Variants in NEK11 observed in about 807,000 individuals in gnomAD.
NEK11 encodes the protein NIMA related kinase 11.
In NEK11, 72 loss-of-function variants were observed where a neutral mutation model predicts 80.7. The ratio of observed to expected loss-of-function variants is 0.89; its 90% CI spans 0.74 to 1.08. The LOEUF (loss-of-function observed/expected upper bound fraction) is 1.08, where lower values mean the gene tolerates loss of function less well. NEK11 is among the 50% of genes least tolerant of loss of function. NEK11 has a pLI of 0.00. For missense variants in NEK11, 764 were observed against 763.6 expected (o/e 1.00, Z -0.01); for synonymous variants, 251 against 260.7 (o/e 0.96, Z 0.36).
At chr3:131,102,162 G>A (rs1190995772) in intron 4 of NEK11, among the ~76,000 whole-genome samples, 1 of 152,000 alleles carries the variant, frequency 6.6e-6, no homozygotes, top group Admixed American at 6.6e-5. Context: ...CTTTTATATG[G>A]GATGTTTAGC....
Position 131,133,847 on chromosome 3 carries a change from C to T in NEK11, c.538C>T (p.Arg180Ter), listed in dbSNP as rs900688268. ...ATTTCAAGGAGATTTTGGAGTTTCTCGACTTCTAATGGGATCCTGTGACCT... is the reference window on the plus strand; with the variant it reads ...ATTTCAAGGAGATTTTGGAGTTTCTTGACTTCTAATGGGATCCTGTGACCT... ...LLKIGDFGVS[R>*]LLMGSCDLAT... is the part of the protein sequence containing the mutation. The change falls in exon 7 of 18, where the codon CGA becomes TGA. Residue 180 changes from arginine (R) to a stop codon, truncating the protein, a stop_gained. Transcript: ENST00000383366. LOFTEE classifies it high-confidence loss of function. 1.6e-5 allele frequency: 26 copies of T among 1,610,534 alleles called. No individual in the cohort carries two copies. Among genetic ancestry groups the T allele is most frequent in the Non-Finnish European group, 1.7e-5 (20 of 1,178,086 alleles).
chr3:131,183,203 G>A (rs1422768634), intron 14 of NEK11, among the ~76,000 whole-genome samples: 1 of 152,156 alleles, frequency 6.6e-6, no homozygotes, highest in Non-Finnish European at 1.5e-5. Context: ...GGCCCCTTTA[G>A]CTCTGTGCCA....
rs776665091 is a variant in NEK11, at chr3:131,029,871, G to C, written c.163G>C (p.Glu55Gln). ...TTCAGACAAGAAAGCCAAACGAGGAGAGGAATTGTAAGTAAAAATGCTTCC... is the reference window on the plus strand; with the variant it reads ...TTCAGACAAGAAAGCCAAACGAGGACAGGAATTGTAAGTAAAAATGCTTCC... ...LVSDKKAKRGEELKVLKEISV... is the reference protein window; with the variant it reads ...LVSDKKAKRGQELKVLKEISV... The change falls in exon 3 of 18, where the codon GAG becomes CAG. Residue 55 changes from glutamate (E) to glutamine (Q), a missense_variant. Physicochemically the swap from Glu to Gln is conservative, Grantham distance 29 (BLOSUM62 2). Transcript: ENST00000383366. 3 of 1,614,158 alleles carry C rather than the reference G, an allele frequency of 1.9e-6. No individual in the cohort carries two copies. In the East Asian group the frequency reaches 6.7e-5, roughly 36 times the overall value.
chr3:131,168,961 C>A (rs1367121923), intron 13 of NEK11, 24 bp downstream of exon 13: 1 of 1,570,110 alleles, frequency 6.4e-7, no homozygotes, highest in Non-Finnish European at 8.8e-7. Flanking sequence ...TATTCACAAG[C>A]ACAAAAGTGA....
chr3:131,066,854 A>AAAAAG (rs1553839702), intron 3 of NEK11, among the ~76,000 whole-genome samples: 18 of 151,234 alleles, frequency 1.2e-4, no homozygotes, highest in East Asian at 5.9e-4. Flanking sequence ...AAAAAAAAAA[A>AAAAAG]AAAAGAAAAG....
chr3:131,125,697 A>G (rs958050391), intron 5 of NEK11, among the ~76,000 whole-genome samples: 1 of 152,168 alleles, frequency 6.6e-6, no homozygotes, highest in Non-Finnish European at 1.5e-5. Context: ...TCTAGTTGGC[A>G]CTCAATAATT....
chr3:131,090,357 C>A (rs1043360055), intron 4 of NEK11, among the ~76,000 whole-genome samples: 1 of 152,190 alleles, frequency 6.6e-6, no homozygotes, highest in Non-Finnish European at 1.5e-5. Flanking sequence ...TTTATTGCAA[C>A]CTTCAAGGGA....
intron 13 of NEK11, among the ~76,000 whole-genome samples, chr3:131,169,695 A>G (rs2092545637): frequency 6.6e-6 from 1 of 152,180 alleles, no homozygotes; most frequent in African/African-American, 2.4e-5. Flanking sequence ...ATACGTGGAG[A>G]GGTAATGGGG....
At chr3:131,064,403 T>C (rs2071484758) in intron 3 of NEK11, among the ~76,000 whole-genome samples, 1 of 152,204 alleles carries the variant, frequency 6.6e-6, no homozygotes, top group Non-Finnish European at 1.5e-5. Context: ...TCACATGGCC[T>C]TTCTGTGTTT....
At chr3:131,334,685 T>C (rs1169884120) in intron 17 of NEK11, among the ~76,000 whole-genome samples, 1 of 152,036 alleles carries the variant, frequency 6.6e-6, no homozygotes, top group Non-Finnish European at 1.5e-5. Context: ...AGGAGCTGGT[T>C]TTTTTGAAAG....
chr3:131,177,102 T>C (rs75377124), intron 14 of NEK11, among the ~76,000 whole-genome samples: 4,801 of 152,310 alleles, frequency 0.032, 226 homozygotes, highest in African/African-American at 0.1. Flanking sequence ...CTTTAGTTGA[T>C]GAATTTATTT....
intron 16 of NEK11, among the ~76,000 whole-genome samples, chr3:131,248,859 C>T (rs1408747055): frequency 1.3e-5 from 2 of 151,958 alleles, no homozygotes; most frequent in East Asian, 1.9e-4. Flanking sequence ...GTTCTTTTAC[C>T]AGTTTCAACC....
At chr3:131,196,121 TA>T (rs2094000630) in intron 14 of NEK11, among the ~76,000 whole-genome samples, 1 of 152,066 alleles carries the variant, frequency 6.6e-6, no homozygotes, top group Non-Finnish European at 1.5e-5. Context: ...ATAAAACTCT[TA>T]AATGTCTTTT....
intron 3 of NEK11, among the ~76,000 whole-genome samples, chr3:131,050,873 A>G (rs992755804): frequency 6.0e-4 from 15 of 24,868 alleles, no homozygotes; most frequent in East Asian, 3.8e-3. Context: ...TACAAATAGT[A>G]ATAAATAGTG....
chr3:131,152,348 AT>A (rs780042429), intron 7 of NEK11, 39 bp from the exon 8 acceptor site: 2 of 1,544,636 alleles, frequency 1.3e-6, no homozygotes, highest in Non-Finnish European at 1.7e-6. Context: ...TTAAAATAGG[AT>A]ATTTGTTCCT....
chr3:131,119,763 T>A (rs936548963), intron 5 of NEK11, among the ~76,000 whole-genome samples: 1 of 152,092 alleles, frequency 6.6e-6, no homozygotes, highest in Admixed American at 6.5e-5. Flanking sequence ...TTGGTTTAAA[T>A]TCTGTTTTAT....
chr3:131,333,929 G>A lies in NEK11; in HGVS notation c.1719-15628G>A, dbSNP rs1582209985. ...ACAAGAAAAGCTAACTATCCTAAATGTATATGCATCCAATACAGGAGCACC... is the reference window on the plus strand; with the variant it reads ...ACAAGAAAAGCTAACTATCCTAAATATATATGCATCCAATACAGGAGCACC... On this transcript the variant is annotated intron_variant, in intron 17 of 17. Coordinates refer to ENST00000383366, the MANE Select transcript of NEK11 (RefSeq NM_024800.5). Among the ~76,000 whole-genome samples the A allele has an allele frequency of 2.6e-5, 4 of 152,274 alleles. No individual in the cohort carries two copies. The South Asian group carries it at 8.3e-4, about 32-fold the overall frequency.
At chr3:131,050,709 G>A (rs1270565503) in intron 3 of NEK11, among the ~76,000 whole-genome samples, 1 of 152,030 alleles carries the variant, frequency 6.6e-6, no homozygotes, top group Non-Finnish European at 1.5e-5. Context: ...CACATATATA[G>A]AAAGCATTTT....
At chr3:131,140,097 C>T (rs912210454) in intron 7 of NEK11, among the ~76,000 whole-genome samples, 1 of 152,196 alleles carries the variant, frequency 6.6e-6, no homozygotes, top group Non-Finnish European at 1.5e-5. Flanking sequence ...GTGATGTTGA[C>T]ACACTCTTAC....
Sources: allele counts gnomAD v4.1 joint callset (sites outside exome capture counted in the v4.1 genomes callset), GRCh38; gene constraint gnomAD v4.1.1; transcripts MANE v1.5; gene names NCBI Gene and HGNC (gene_info 2026-07-23, HGNC 2026-07-21).